ANKS1B: variants seen among roughly 807,000 people sequenced by gnomAD.
The protein encoded by ANKS1B is ankyrin repeat and sterile alpha motif domain containing 1B.
ANKS1B carries 36 observed loss-of-function variants against 148.3 expected under a neutral mutation model. That is an observed-to-expected ratio of 0.24 (90% CI 0.19 to 0.32). ANKS1B has a LOEUF of 0.32. ANKS1B is among the 10% of genes least tolerant of loss of function. ANKS1B has a pLI of 1.00. For synonymous variants in ANKS1B, 542 were observed against 560.8 expected (o/e 0.97, Z 0.47); for missense variants, 1,157 against 1,542.6 (o/e 0.75, Z 4.19).
At chr12:98,890,950 A>G (rs1178079418) in intron 17 of ANKS1B, among the ~76,000 whole-genome samples, 1 of 152,182 alleles carries the variant, frequency 6.6e-6, no homozygotes, top group African/African-American at 2.4e-5. Flanking sequence ...GACAGAGGTG[A>G]TAGAATATGG....
intron 8 of ANKS1B, among the ~76,000 whole-genome samples, chr12:99,722,437 C>T (rs1029646055): frequency 6.6e-6 from 1 of 152,186 alleles, no homozygotes; most frequent in African/African-American, 2.4e-5. Context: ...GTTAAATGTA[C>T]TCTGCCTGTG....
At chr12:99,168,651 C>T (rs2077438461) in intron 14 of ANKS1B, among the ~76,000 whole-genome samples, 1 of 152,042 alleles carries the variant, frequency 6.6e-6, no homozygotes, top group Non-Finnish European at 1.5e-5. Flanking sequence ...TAAACAGAGA[C>T]TCAAAGGTAT....
intron 8 of ANKS1B, among the ~76,000 whole-genome samples, chr12:99,731,492 G>A (rs927052711): frequency 2.0e-5 from 3 of 151,688 alleles, no homozygotes; most frequent in African/African-American, 7.3e-5. Flanking sequence ...TCTGGAGAAA[G>A]AGTCTGCTGA....
chr12:99,210,216 T>C (rs903189098), intron 14 of ANKS1B, among the ~76,000 whole-genome samples: 1 of 152,198 alleles, frequency 6.6e-6, no homozygotes. Context: ...CTCTCCAAAA[T>C]ATTTATTCTC....
intron 25 of ANKS1B, among the ~76,000 whole-genome samples, chr12:98,756,556 CAAA>C (rs536086383): frequency 0.014 from 1,460 of 104,556 alleles, 17 homozygotes; most frequent in African/African-American, 0.041. Context: ...ACTAAAAATA[CAAA>C]AAAAAAAAAA....
At chr12:99,358,831 T>C (rs1428479637) in intron 12 of ANKS1B, among the ~76,000 whole-genome samples, 1 of 152,060 alleles carries the variant, frequency 6.6e-6, no homozygotes, top group Non-Finnish European at 1.5e-5. Flanking sequence ...CATAGTCCCA[T>C]CCCTTATGGA....
chr12:98,974,462 G>A (rs2099888639), intron 17 of ANKS1B, among the ~76,000 whole-genome samples: 1 of 152,108 alleles, frequency 6.6e-6, no homozygotes, highest in Admixed American at 6.5e-5. Context: ...TACTCAATAG[G>A]TATTTAGATA....
intron 15 of ANKS1B, chr12:99,105,120 A>G (rs1242027912): frequency 6.6e-6 from 1 of 152,240 alleles, no homozygotes; most frequent in African/African-American, 2.4e-5. Context: ...ATAATGGGAG[A>G]CCATCTAGAA....
At chr12:99,741,948 G>T (rs2060154979) in intron 8 of ANKS1B, among the ~76,000 whole-genome samples, 1 of 151,992 alleles carries the variant, frequency 6.6e-6, no homozygotes, top group Non-Finnish European at 1.5e-5. Flanking sequence ...CATGTCCTTT[G>T]CAGGGATATG....
chr12:99,257,564 T>C (rs2075413497), intron 12 of ANKS1B, among the ~76,000 whole-genome samples: 1 of 152,184 alleles, frequency 6.6e-6, no homozygotes, highest in African/African-American at 2.4e-5. Context: ...ATAAGGCATA[T>C]TATTTATTTA....
At chr12:99,237,348 G>A (rs911739501) in intron 14 of ANKS1B, among the ~76,000 whole-genome samples, 4 of 152,002 alleles carry the variant, frequency 2.6e-5, no homozygotes, top group African/African-American at 9.7e-5. Flanking sequence ...GTATGTGTTT[G>A]TGTGTGTCTG....
At chr12:99,245,083 G>A in intron 13 of ANKS1B, among the ~76,000 whole-genome samples, 1 of 152,120 alleles carries the variant, frequency 6.6e-6, no homozygotes, top group East Asian at 1.9e-4. Context: ...CTGAACTCCT[G>A]GCCTCAAGTG....
At chr12:98,735,714 G>A in intron 9 of ANKS1B, 1 of 646,270 alleles carries the variant, frequency 1.5e-6, no homozygotes, top group South Asian at 1.8e-5. Context: ...TGTACCATGT[G>A]CCTGGCATTG....
chr12:98,767,735 C>A (rs916163359), intron 25 of ANKS1B, among the ~76,000 whole-genome samples: 2 of 152,252 alleles, frequency 1.3e-5, no homozygotes, highest in Non-Finnish European at 2.9e-5. Flanking sequence ...GCATCAAAAT[C>A]TTTCTATGTT....
intron 1 of ANKS1B, among the ~76,000 whole-genome samples, chr12:99,959,484 T>G (rs2095377404): frequency 6.6e-6 from 1 of 152,076 alleles, no homozygotes; most frequent in Non-Finnish European, 1.5e-5. Flanking sequence ...TGCATATATA[T>G]TAAAATCTAA....
chr12:99,164,571 T>C (rs1438799987), intron 14 of ANKS1B, among the ~76,000 whole-genome samples: 1 of 152,104 alleles, frequency 6.6e-6, no homozygotes, highest in Non-Finnish European at 1.5e-5. Flanking sequence ...TATATACTTT[T>C]CTATGATTAT....
intron 14 of ANKS1B, among the ~76,000 whole-genome samples, chr12:99,193,663 T>C (rs919934855): frequency 6.6e-6 from 1 of 152,144 alleles, no homozygotes. Context: ...CTTCTTTTTC[T>C]TTCCTAGAAT....
chr12:99,063,620 G>A (rs1317990901), intron 16 of ANKS1B, among the ~76,000 whole-genome samples: 2 of 152,174 alleles, frequency 1.3e-5, no homozygotes, highest in African/African-American at 2.4e-5. Flanking sequence ...AAAATGCTGA[G>A]CACTGTTAAT....
chr12:99,072,850 G>A (rs933055947), intron 16 of ANKS1B, among the ~76,000 whole-genome samples: 2 of 152,134 alleles, frequency 1.3e-5, no homozygotes, highest in East Asian at 3.8e-4. Context: ...GCTGCACGAG[G>A]ACAGTGACCT....
Sources: allele counts gnomAD v4.1 joint callset (sites outside exome capture counted in the v4.1 genomes callset), GRCh38; gene constraint gnomAD v4.1.1; transcripts MANE v1.5; gene names NCBI Gene and HGNC (gene_info 2026-07-23, HGNC 2026-07-21).